IFT43: variants seen among roughly 807,000 people sequenced by gnomAD.
The protein encoded by IFT43 is intraflagellar transport protein 43 homolog.
IFT43 carries 33 observed loss-of-function variants against 32.3 expected under a neutral mutation model. That is an observed-to-expected ratio of 1.02 (90% CI 0.77 to 1.37). The LOEUF is 1.37. IFT43 is among the 40% of genes most tolerant of loss of function. The pLI is 0.00. For synonymous variants in IFT43, 93 were observed against 98.2 expected, an observed-to-expected ratio of 0.95 and a Z score of 0.31; for missense variants, 274 against 265.9, an observed-to-expected ratio of 1.03 and a Z score of -0.21.
chr14:76,072,992 C>G (rs12433385), intron 5 of IFT43, among the ~76,000 whole-genome samples: 48,785 of 152,026 alleles, frequency 0.32, 7,897 homozygotes, highest in Admixed American at 0.34. Flanking sequence ...AGGAGAGTGG[C>G]CTTAGATGGA....
chr14:76,076,526 A>T lies in IFT43; in HGVS notation c.296-5769A>T, dbSNP rs564317672. 4.1e-4 allele frequency: 658 copies of T among 1,600,026 alleles called. 4 individuals carry two copies. The South Asian group carries it at 6.5e-3, about 16-fold the overall frequency. The stretch of plus-strand genomic sequence containing the variant: ...GGAGTTAGATTTATACTCCAGGTGA[A>T]GAGCTGGGTAGTGCTTGGGGTATAC... On this transcript the variant is annotated intron_variant, in intron 5 of 8. Transcript: ENST00000314067.
chr14:75,999,275 ATATATATT>A (rs1566699731), intron 2 of IFT43, among the ~76,000 whole-genome samples: 14 of 18,404 alleles, frequency 7.6e-4, no homozygotes, highest in East Asian at 3.9e-3. Flanking sequence ...ATATATATGT[ATATATATT>A]TTTTTTTTTT....
chr14:76,066,936 A>G (rs1047929024), intron 5 of IFT43, among the ~76,000 whole-genome samples: 1 of 152,234 alleles, frequency 6.6e-6, no homozygotes, highest in Non-Finnish European at 1.5e-5. Context: ...AAAGCCAGCA[A>G]CTTTTCATCC....
intron 5 of IFT43, among the ~76,000 whole-genome samples, chr14:76,079,057 G>C (rs1054847248): frequency 6.6e-6 from 1 of 152,184 alleles, no homozygotes; most frequent in Non-Finnish European, 1.5e-5. Flanking sequence ...AGGACATTAC[G>C]TGAAAGCTGT....
At chr14:76,038,837 G>A (rs1594836510) in intron 3 of IFT43, among the ~76,000 whole-genome samples, 1 of 152,138 alleles carries the variant, frequency 6.6e-6, no homozygotes, top group African/African-American at 2.4e-5. Context: ...GGTAGCTGGC[G>A]GGTGGGGAGG....
chr14:76,083,284 C>A lies in IFT43; in HGVS notation c.502C>A (p.Arg168=). 6.2e-7 allele frequency: 1 copy of A among 1,613,558 alleles called. No homozygotes were observed. Among genetic ancestry groups the A allele is most frequent in the South Asian group, 1.1e-5 (1 of 91,058 alleles). ...TKVLAPEHEV[R]EDDVGWDWDH... is the part of the protein sequence containing the mutation. ...AGTGCTCGCGCCGGAGCACGAAGTCCGGGAGGTACAGTGGTGGCAGCAATT... is the reference window on the plus strand; with the variant it reads ...AGTGCTCGCGCCGGAGCACGAAGTCAGGGAGGTACAGTGGTGGCAGCAATT... The change falls in exon 8 of 9, where the codon CGG becomes AGG. Residue 168 remains arginine, a synonymous_variant. Coordinates refer to ENST00000314067, the MANE Select transcript of IFT43 (RefSeq NM_001102564.3).
chr14:76,074,508 C>G (rs2037378091), intron 5 of IFT43, among the ~76,000 whole-genome samples: 1 of 152,206 alleles, frequency 6.6e-6, no homozygotes, highest in Non-Finnish European at 1.5e-5. Flanking sequence ...ATGGGGTCAT[C>G]TGAGACTGCT....
At chr14:76,063,699 G>A (rs1021594537) in intron 5 of IFT43, among the ~76,000 whole-genome samples, 19 of 152,192 alleles carry the variant, frequency 1.2e-4, no homozygotes, top group African/African-American at 4.6e-4. Context: ...CTCTCATGGC[G>A]GGAAATGGAG....
chr14:76,077,094 T>C (rs1262357133), intron 5 of IFT43, among the ~76,000 whole-genome samples: 1 of 152,000 alleles, frequency 6.6e-6, no homozygotes, highest in Non-Finnish European at 1.5e-5. Flanking sequence ...ATGTGGAGAT[T>C]GGTGAAAAGC....
chr14:76,040,746 G>A (rs1459457738), intron 3 of IFT43, among the ~76,000 whole-genome samples: 1 of 152,190 alleles, frequency 6.6e-6, no homozygotes, highest in Non-Finnish European at 1.5e-5. Flanking sequence ...GCAGCATTTG[G>A]ATACTTTGCT....
chr14:76,024,169 A>G (rs1448569546), intron 3 of IFT43, among the ~76,000 whole-genome samples: 4 of 152,238 alleles, frequency 2.6e-5, no homozygotes, highest in African/African-American at 9.6e-5. Flanking sequence ...GGGAATGCAC[A>G]TGACCTAGAA....
intron 2 of IFT43, among the ~76,000 whole-genome samples, chr14:76,009,862 T>C (rs1476033889): frequency 6.6e-6 from 1 of 152,104 alleles, no homozygotes; most frequent in South Asian, 2.1e-4. Flanking sequence ...TGATGCAATC[T>C]CAGCTCACTG....
At position 76,040,709 on chromosome 14, in the gene IFT43, C is replaced by G. The variant is rs116929982; in HGVS notation, c.216-17933C>G. Among the ~76,000 whole-genome samples, 720 of 152,354 alleles carry G rather than the reference C, an allele frequency of 4.7e-3. 20 individuals are homozygous for G. Among genetic ancestry groups the G allele is most frequent in the Admixed American group, 0.032 (492 of 15,302 alleles). On this transcript the variant is annotated intron_variant, in intron 3 of 8. Coordinates refer to ENST00000314067, the MANE Select transcript of IFT43 (RefSeq NM_001102564.3). ...AGTGCTTCCCATTCAAAGGGGACAG[C>G]AGTGTGTCCCCACAAGCCCTGCTGC...
chr14:76,055,598 C>G (rs895330435), intron 3 of IFT43, among the ~76,000 whole-genome samples: 1 of 152,116 alleles, frequency 6.6e-6, no homozygotes, highest in African/African-American at 2.4e-5. Flanking sequence ...AAACATCGTG[C>G]TAGATTCTGT....
At chr14:75,998,522 G>A (rs74066699) in intron 2 of IFT43, among the ~76,000 whole-genome samples, 5,285 of 152,276 alleles carry the variant, frequency 0.035, 293 homozygotes, top group African/African-American at 0.12. Context: ...AAAATAGCTT[G>A]CCAAAAGAAA....
At chr14:76,044,299 C>T (rs773688791) in intron 3 of IFT43, among the ~76,000 whole-genome samples, 1 of 152,114 alleles carries the variant, frequency 6.6e-6, no homozygotes, top group Non-Finnish European at 1.5e-5. Context: ...CTCAGCCTCC[C>T]AAAGTGTCGG....
intron 3 of IFT43, among the ~76,000 whole-genome samples, chr14:76,041,767 A>G (rs2036711816): frequency 1.3e-5 from 2 of 152,042 alleles, no homozygotes; most frequent in Admixed American, 1.3e-4. Context: ...TTTTATGTAA[A>G]CAGATCACAT....
At chr14:75,993,021 A>G (rs973717672) in intron 2 of IFT43, among the ~76,000 whole-genome samples, 5 of 152,196 alleles carry the variant, frequency 3.3e-5, no homozygotes, top group Non-Finnish European at 5.9e-5. Flanking sequence ...TTGGTGAAAC[A>G]GGGATAATAA....
chr14:76,014,125 G>A, intron 2 of IFT43: 1 of 274,910 alleles, frequency 3.6e-6, no homozygotes, highest in South Asian at 5.8e-5. Flanking sequence ...GAAATATGAG[G>A]AAAAGCGACC....
Sources: allele counts gnomAD v4.1 joint callset (sites outside exome capture counted in the v4.1 genomes callset), GRCh38; gene constraint gnomAD v4.1.1; transcripts MANE v1.5; gene names NCBI Gene and HGNC (gene_info 2026-07-23, HGNC 2026-07-21).